Variants in ARHGAP31 observed in about 807,000 individuals in gnomAD.
ARHGAP31 encodes the protein Rho GTPase activating protein 31.
Under a neutral mutation model 113.9 loss-of-function variants are expected in ARHGAP31, and 34 were observed. That is an observed-to-expected ratio of 0.30 (90% CI 0.23 to 0.40). The LOEUF (loss-of-function observed/expected upper bound fraction) is 0.40. ARHGAP31 is among the 10% of genes least tolerant of loss of function. The pLI is 1.00. For synonymous variants in ARHGAP31, 650 were observed against 684.8 expected, an observed-to-expected ratio of 0.95 and a Z score of 0.79; for missense variants, 1,548 against 1,767.1, an observed-to-expected ratio of 0.88 and a Z score of 2.22.
chr3:119,412,247 G>T (rs2080722631), intron 11 of ARHGAP31, among the ~76,000 whole-genome samples: 1 of 152,094 alleles, frequency 6.6e-6, no homozygotes, highest in African/African-American at 2.4e-5. Flanking sequence ...AATTAGCCGG[G>T]TGTGGTGGCA....
intron 1 of ARHGAP31, among the ~76,000 whole-genome samples, chr3:119,337,062 A>G (rs1163119691): frequency 1.3e-5 from 2 of 152,206 alleles, no homozygotes. Context: ...GTTGATGGAC[A>G]TTTGAATTGT....
intron 1 of ARHGAP31, among the ~76,000 whole-genome samples, chr3:119,325,217 A>G (rs946043966): frequency 5.3e-5 from 8 of 152,222 alleles, no homozygotes; most frequent in African/African-American, 1.9e-4. Context: ...GCTAAGATAA[A>G]ATTTTGCTTA....
Position 119,401,822 on chromosome 3 carries a change from G to T in ARHGAP31, c.1070G>T (p.Gly357Val). 1 of 1,613,836 alleles carries T rather than the reference G, an allele frequency of 6.2e-7. No homozygotes were observed. ...CCATACACTTGTTCCTTTTTACTAG[G>T]AAAAGAAACCAAGGGAAATTTCAAT... ...MDSLCSVPVE[G>V]KETKGNFNRT... is the part of the protein sequence containing the mutation. The change falls in exon 10 of 12, where the codon GGA becomes GTA. Residue 357 changes from glycine (G) to valine (V), a missense_variant and splice_region_variant. By Grantham distance (109) the Gly-to-Val change is moderately radical. Transcript: ENST00000264245.
chr3:119,311,353 A>G (rs1004572275), intron 1 of ARHGAP31, among the ~76,000 whole-genome samples: 1 of 152,052 alleles, frequency 6.6e-6, no homozygotes, highest in Non-Finnish European at 1.5e-5. Flanking sequence ...GACTCATGTC[A>G]CCTTTGCTCC....
chr3:119,321,608 T>C (rs970869078), intron 1 of ARHGAP31, among the ~76,000 whole-genome samples: 2 of 151,838 alleles, frequency 1.3e-5, no homozygotes, highest in African/African-American at 4.8e-5. Flanking sequence ...GAAGTCTTTA[T>C]TCAAGTTATA....
chr3:119,416,227 T>C lies in ARHGAP31; in HGVS notation c.4298T>C (p.Val1433Ala), dbSNP rs376021140. Residue 1433 changes from valine (V) to alanine (A), a missense_variant, in exon 12 of 12, where the codon GTA becomes GCA. Coordinates refer to ENST00000264245, the MANE Select transcript of ARHGAP31 (RefSeq NM_020754.4). Reference protein sequence around the residue: ...SCFYQPQRRSVILDGRSGRQI... With the variant: ...SCFYQPQRRSAILDGRSGRQI... ...TTTTACCAGCCTCAGCGGAGATCAG[T>C]AATTCTGGATGGAAGAAGTGGGAGG... The C allele has an allele frequency of 1.9e-6, 3 of 1,614,174 alleles. No individual in the cohort carries two copies. The highest frequency in any genetic ancestry group is 1.7e-6 in the Non-Finnish European group (2 of 1,180,028).
intron 2 of ARHGAP31, among the ~76,000 whole-genome samples, chr3:119,366,867 C>T (rs758601688): frequency 6.6e-6 from 1 of 151,860 alleles, no homozygotes; most frequent in African/African-American, 2.4e-5. Context: ...TCTGGGAGGC[C>T]GAGACGGGTG....
chr3:119,369,864 C>T (rs2080282254), intron 3 of ARHGAP31, among the ~76,000 whole-genome samples: 1 of 150,186 alleles, frequency 6.7e-6, no homozygotes, highest in Admixed American at 6.6e-5. Context: ...GCAACAACAA[C>T]AACAACAAAA....
chr3:119,399,134 C>T, intron 8 of ARHGAP31, 65 bp from the exon 9 acceptor site: 1 of 1,447,506 alleles, frequency 6.9e-7, no homozygotes, highest in South Asian at 1.1e-5. Flanking sequence ...AACAGCCTGA[C>T]CTATTTTTCT....
intron 1 of ARHGAP31, among the ~76,000 whole-genome samples, chr3:119,342,432 T>C (rs2080016695): frequency 6.6e-6 from 1 of 152,212 alleles, no homozygotes; most frequent in African/African-American, 2.4e-5. Flanking sequence ...GCTTCACATA[T>C]AACTGAAAGT....
intron 3 of ARHGAP31, among the ~76,000 whole-genome samples, chr3:119,380,484 C>G (rs1422754409): frequency 6.6e-6 from 1 of 152,174 alleles, no homozygotes; most frequent in Non-Finnish European, 1.5e-5. Context: ...CTCTTGTGCT[C>G]AAGCAATCCT....
In ARHGAP31 at chr3:119,415,578, C is replaced by T. The variant is rs767879882; in HGVS notation, c.3649C>T (p.Pro1217Ser). Residue 1217 changes from proline to serine, a missense_variant, in exon 12 of 12, where the codon CCC (proline) becomes TCC (serine). Pro to Ser is a moderately conservative substitution (Grantham distance 74). Coordinates refer to ENST00000264245, the MANE Select transcript of ARHGAP31 (RefSeq NM_020754.4). ...IQYTQIPQPL[P>S]SQSSGENGVQ... Reference sequence around the variant, plus strand: ...GTACACCCAGATCCCACAGCCCCTGCCCTCTCAGAGCTCAGGGGAGAATGG... The same window carrying T: ...GTACACCCAGATCCCACAGCCCCTGTCCTCTCAGAGCTCAGGGGAGAATGG... 1.2e-6 allele frequency: 2 copies of T among 1,614,146 alleles called. No homozygotes were observed. Among genetic ancestry groups the T allele is most frequent in the East Asian group, 4.5e-5 (2 of 44,858 alleles).
At chr3:119,385,419 C>A (rs896547871) in intron 6 of ARHGAP31, among the ~76,000 whole-genome samples, 2 of 152,048 alleles carry the variant, frequency 1.3e-5, no homozygotes, top group Non-Finnish European at 2.9e-5. Context: ...TTCACATACA[C>A]GTTTTTGTTT....
chr3:119,303,786 T>G (rs1042185390), intron 1 of ARHGAP31, among the ~76,000 whole-genome samples: 52 of 151,070 alleles, frequency 3.4e-4, no homozygotes, highest in Middle Eastern at 6.8e-3. Context: ...TTTCATGTTT[T>G]TTGTTGTTGT....
chr3:119,346,578 C>A (rs2080058949), intron 1 of ARHGAP31, among the ~76,000 whole-genome samples: 1 of 152,216 alleles, frequency 6.6e-6, no homozygotes, highest in African/African-American at 2.4e-5. Flanking sequence ...TTCTTTGAAT[C>A]CCAAAAGTCT....
chr3:119,318,479 T>A (rs975428206), intron 1 of ARHGAP31, among the ~76,000 whole-genome samples: 1 of 152,250 alleles, frequency 6.6e-6, no homozygotes, highest in Non-Finnish European at 1.5e-5. Context: ...TTAAATATAA[T>A]TTTTCTACCC....
intron 5 of ARHGAP31, 114 bp from the exon 6 acceptor site, chr3:119,382,970 A>G: frequency 7.5e-7 from 1 of 1,330,430 alleles, no homozygotes; most frequent in Non-Finnish European, 1.1e-6. Context: ...AAAATATTCT[A>G]TGAACTGTAT....
chr3:119,373,818 C>T (rs1190906782), intron 3 of ARHGAP31, among the ~76,000 whole-genome samples: 3 of 152,016 alleles, frequency 2.0e-5, no homozygotes, highest in East Asian at 1.9e-4. Context: ...TGGACGTCCC[C>T]GAAAGTCATA....
chr3:119,323,936 C>T (rs1378563963), intron 1 of ARHGAP31, among the ~76,000 whole-genome samples: 2 of 152,136 alleles, frequency 1.3e-5, no homozygotes, highest in African/African-American at 4.8e-5. Context: ...CCCTTTCCTG[C>T]TGGGAATAAG....
Sources: gnomAD v4.1 joint callset for allele counts (sites outside exome capture counted in the v4.1 genomes callset) on GRCh38, gnomAD v4.1.1 for gene constraint, MANE v1.5 for transcripts, NCBI Gene and HGNC (gene_info 2026-07-23, HGNC 2026-07-21) for gene names.